SUMF1: variants seen among roughly 807,000 people sequenced by gnomAD.
The protein encoded by SUMF1 is sulfatase modifying factor 1.
A neutral mutation model predicts 47.6 loss-of-function variants in SUMF1; 48 were observed. That is an observed-to-expected ratio of 1.01 (90% CI 0.80 to 1.28). The LOEUF (loss-of-function observed/expected upper bound fraction) is 1.28. SUMF1 is among the 50% of genes most tolerant of loss of function. SUMF1 has a pLI of 0.00. For synonymous variants in SUMF1, 230 were observed against 192.1 expected, an observed-to-expected ratio of 1.20 and a Z score of -1.63; for missense variants, 571 against 485.4, an observed-to-expected ratio of 1.18 and a Z score of -1.66.
intron 8 of SUMF1, among the ~76,000 whole-genome samples, chr3:4,293,847 T>C (rs781306929): frequency 6.6e-5 from 10 of 152,338 alleles, no homozygotes; most frequent in Admixed American, 2.0e-4. Flanking sequence ...TCCAATGGGA[T>C]GAAAAACTGT....
intron 8 of SUMF1, among the ~76,000 whole-genome samples, chr3:4,120,068 G>A (rs1008637618): frequency 2.6e-5 from 4 of 152,124 alleles, no homozygotes; most frequent in African/African-American, 2.4e-5. Context: ...AGAAAGCTGA[G>A]CCAGGCACAA....
intron 8 of SUMF1, among the ~76,000 whole-genome samples, chr3:4,204,836 T>A (rs2125155722): frequency 6.8e-6 from 1 of 146,224 alleles, no homozygotes; most frequent in East Asian, 2.0e-4. Flanking sequence ...TGATTTTTTT[T>A]ATTATTTCAA....
intron 8 of SUMF1, among the ~76,000 whole-genome samples, chr3:4,084,487 C>A (rs181814408): frequency 6.6e-6 from 1 of 152,200 alleles, no homozygotes; most frequent in African/African-American, 2.4e-5. Context: ...AAATTACATA[C>A]AACAAAACTT....
At chr3:4,273,668 A>C (rs1697348380) in intron 8 of SUMF1, among the ~76,000 whole-genome samples, 1 of 145,940 alleles carries the variant, frequency 6.9e-6, no homozygotes, top group Non-Finnish European at 1.5e-5. Flanking sequence ...ATTATACTCA[A>C]TAAAGCAGAA....
chr3:4,193,373 C>A (rs1695361852), intron 8 of SUMF1, among the ~76,000 whole-genome samples: 1 of 152,042 alleles, frequency 6.6e-6, no homozygotes, highest in Non-Finnish European at 1.5e-5. Context: ...ATTTGTGAAT[C>A]ATTCTAGCAA....
chr3:4,107,235 T>G (rs1179463023), intron 8 of SUMF1, among the ~76,000 whole-genome samples: 1 of 152,150 alleles, frequency 6.6e-6, no homozygotes, highest in East Asian at 1.9e-4. Flanking sequence ...ATTTTCTTTC[T>G]CTGATGCCCA....
chr3:4,197,418 A>T (rs1325398929), intron 8 of SUMF1, among the ~76,000 whole-genome samples: 1 of 152,124 alleles, frequency 6.6e-6, no homozygotes, highest in Admixed American at 6.6e-5. Context: ...GGTTTCACGG[A>T]AAGATTAAAC....
At chr3:4,228,412 G>C (rs1428691800) in intron 8 of SUMF1, among the ~76,000 whole-genome samples, 1 of 151,898 alleles carries the variant, frequency 6.6e-6, no homozygotes, top group Non-Finnish European at 1.5e-5. Flanking sequence ...CACATCCTCT[G>C]GTAGCAGATG....
chr3:4,176,484 A>G (rs1022063458), intron 8 of SUMF1, among the ~76,000 whole-genome samples: 1 of 152,210 alleles, frequency 6.6e-6, no homozygotes, highest in African/African-American at 2.4e-5. Flanking sequence ...AGAAAAGCAA[A>G]TGCTGAGAGA....
At chr3:4,105,202 C>G (rs78825029) in intron 8 of SUMF1, among the ~76,000 whole-genome samples, 6,540 of 152,116 alleles carry the variant, frequency 0.043, 247 homozygotes, top group African/African-American at 0.093. Flanking sequence ...AAGCAGAGCA[C>G]AGAATGCTGG....
chr3:4,254,730 C>G (rs1696903237), intron 8 of SUMF1, among the ~76,000 whole-genome samples: 1 of 149,560 alleles, frequency 6.7e-6, no homozygotes, highest in East Asian at 2.0e-4. Context: ...TCTAGCAAGG[C>G]AGGCCAACGT....
chr3:4,043,512 T>A (rs1694947072), intron 9 of SUMF1, among the ~76,000 whole-genome samples: 1 of 152,054 alleles, frequency 6.6e-6, no homozygotes, highest in Non-Finnish European at 1.5e-5. Flanking sequence ...CCCAGACTCC[T>A]TTCACAGGAA....
rs571237864 is a variant in SUMF1 at position 4,346,182 on chromosome 3, T to C, written c.1014+30148A>G. On this transcript the variant is annotated intron_variant and NMD_transcript_variant, in intron 8 of 12. Coordinates refer to the SUMF1 transcript ENST00000448413. ...GCAGCTCTGGATCAAGTGGATCTAG[T>C]AGACATCTACAGAACTCTCTACCCC... Among the ~76,000 whole-genome samples the C allele has an allele frequency of 6.3e-4, 96 of 152,338 alleles. 2 individuals are homozygous for C. In the South Asian group the frequency reaches 0.019, roughly 31 times the overall value.
At chr3:4,214,923 A>C (rs1223307193) in intron 8 of SUMF1, among the ~76,000 whole-genome samples, 7 of 152,174 alleles carry the variant, frequency 4.6e-5, no homozygotes, top group East Asian at 1.9e-4. Flanking sequence ...CAACCAAAAA[A>C]AGTTCCGGGA....
intron 8 of SUMF1, among the ~76,000 whole-genome samples, chr3:4,090,577 G>A (rs1692763789): frequency 6.6e-6 from 1 of 152,112 alleles, no homozygotes; most frequent in Non-Finnish European, 1.5e-5. Flanking sequence ...TTTGTGAAGT[G>A]TACAGTGAAT....
intron 8 of SUMF1, among the ~76,000 whole-genome samples, chr3:4,132,309 G>A (rs553509212): frequency 2.1e-4 from 32 of 152,218 alleles, no homozygotes; most frequent in African/African-American, 7.7e-4. Context: ...TCATGCTCAT[G>A]GAATTCACTG....
intron 8 of SUMF1, among the ~76,000 whole-genome samples, chr3:4,286,223 A>G (rs1331597774): frequency 6.6e-6 from 1 of 152,104 alleles, no homozygotes; most frequent in African/African-American, 2.4e-5. Context: ...GGAAAAATTT[A>G]TAATAAAATA....
chr3:4,086,906 T>TCCACC (rs1692684293), intron 8 of SUMF1, among the ~76,000 whole-genome samples: 2 of 152,106 alleles, frequency 1.3e-5, no homozygotes, highest in Non-Finnish European at 2.9e-5. Flanking sequence ...CCACCATGAT[T>TCCACC]ATGAGGCCTC....
intron 5 of SUMF1, 83 bp from the exon 6 acceptor site, chr3:4,417,325 G>C (rs766187970): frequency 1.2e-5 from 13 of 1,087,288 alleles, no homozygotes; most frequent in Non-Finnish European, 1.8e-5. Flanking sequence ...CAATGAAAAA[G>C]AGAACATTGC....
Sources: gnomAD v4.1 joint callset for allele counts (sites outside exome capture counted in the v4.1 genomes callset) on GRCh38, gnomAD v4.1.1 for gene constraint, MANE v1.5 for transcripts, NCBI Gene and HGNC (gene_info 2026-07-23, HGNC 2026-07-21) for gene names.